The following MIOS variants were observed in gnomAD, a reference collection of about 807,000 sequenced individuals.
The protein encoded by MIOS is meiosis regulator for oocyte development.
In MIOS, 52 loss-of-function variants were observed where a neutral mutation model predicts 96.9. The observed-to-expected ratio is 0.54, with a 90% confidence interval of 0.43 to 0.68. MIOS has a LOEUF of 0.68. Among genes scored for constraint, MIOS ranks in the 30% least tolerant of loss-of-function variants. MIOS has a pLI of 0.00. For missense variants in MIOS, 1,005 were observed against 1,052.8 expected, an observed-to-expected ratio of 0.95 and a Z score of 0.63; for synonymous variants, 397 against 359.5, an observed-to-expected ratio of 1.10 and a Z score of -1.18.
At chr7:7,588,732 T>A (rs1280339871) in intron 8 of MIOS, among the ~76,000 whole-genome samples, 169 bp downstream of exon 8, 2 of 152,174 alleles carry the variant, frequency 1.3e-5, no homozygotes, top group Non-Finnish European at 2.9e-5. Context: ...CTACCATAAC[T>A]AAATTTATTT....
chr7:7,588,628 C>G, intron 8 of MIOS, 65 bp downstream of exon 8: 2 of 1,044,836 alleles, frequency 1.9e-6, no homozygotes, highest in Non-Finnish European at 2.7e-6. Context: ...ATGTAAGAAA[C>G]TAGTCTTTAT....
At chr7:7,591,699 C>A (rs912438484) in intron 9 of MIOS, among the ~76,000 whole-genome samples, 1 of 151,640 alleles carries the variant, frequency 6.6e-6, no homozygotes, top group African/African-American at 2.4e-5. Flanking sequence ...TTTCCTTTAC[C>A]TTTGATTTTT....
chr7:7,584,432 G>C (rs1189321411), intron 6 of MIOS, among the ~76,000 whole-genome samples: 2 of 152,124 alleles, frequency 1.3e-5, no homozygotes, highest in African/African-American at 2.4e-5. Flanking sequence ...TAGGGAAAAT[G>C]TATCTTTCCA....
intron 9 of MIOS, among the ~76,000 whole-genome samples, chr7:7,591,166 AT>A (rs1449995392): frequency 6.6e-6 from 1 of 151,376 alleles, no homozygotes; most frequent in Non-Finnish European, 1.5e-5. Flanking sequence ...GAAAATGTCT[AT>A]TTCACTCTTA....
chr7:7,581,791 C>A (rs1783734750), intron 5 of MIOS: 1 of 152,214 alleles, frequency 6.6e-6, no homozygotes, highest in South Asian at 2.1e-4. Context: ...AGATCTGTCT[C>A]CTGCTGCTTC....
At chr7:7,606,386 C>T (rs1407044945) in intron 12 of MIOS, among the ~76,000 whole-genome samples, 1 of 152,046 alleles carries the variant, frequency 6.6e-6, no homozygotes, top group African/African-American at 2.4e-5. Context: ...TGTAATTTAC[C>T]ATGCAATTGA....
chr7:7,601,293 T>C lies in MIOS; in HGVS notation c.2402-4649T>C, dbSNP rs990175848. Among the ~76,000 whole-genome samples, 16 of 150,780 alleles carry C rather than the reference T, an allele frequency of 1.1e-4. No homozygotes were observed. In the East Asian group the frequency reaches 2.7e-3, roughly 26 times the overall value. On this transcript the variant is annotated intron_variant, in intron 11 of 12. Coordinates refer to ENST00000340080, the MANE Select transcript of MIOS (RefSeq NM_019005.4). ...TGAATCCAGGAGCTGGTTTTTTTTT[T>C]GAAAAGATCAACAAAATTGATAGAC...
At chr7:7,575,983 T>G (rs897063903) in intron 5 of MIOS, among the ~76,000 whole-genome samples, 2 of 152,130 alleles carry the variant, frequency 1.3e-5, no homozygotes, top group Non-Finnish European at 2.9e-5. Flanking sequence ...AGTCTTCTGT[T>G]TTATTTGGCC....
intron 5 of MIOS, among the ~76,000 whole-genome samples, chr7:7,577,297 A>G (rs1184282708): frequency 6.6e-6 from 1 of 152,172 alleles, no homozygotes; most frequent in Non-Finnish European, 1.5e-5. Flanking sequence ...ACTAAAAAGG[A>G]CTCACTGAAT....
intron 11 of MIOS, among the ~76,000 whole-genome samples, chr7:7,601,627 G>A (rs1002612936): frequency 9.2e-5 from 14 of 152,130 alleles, no homozygotes; most frequent in Non-Finnish European, 1.9e-4. Flanking sequence ...ATTCACAGCC[G>A]AACTCTACCA....
At chr7:7,585,538 TA>T in intron 6 of MIOS, 97 bp from the exon 7 acceptor site, 1 of 1,147,506 alleles carries the variant, frequency 8.7e-7, no homozygotes, top group Non-Finnish European at 1.2e-6. Flanking sequence ...TTTCTGAGGG[TA>T]AAAGTCACCC....
At chr7:7,606,151 C>T (rs1350407670) in intron 12 of MIOS, 80 bp downstream of exon 12, 2 of 1,527,458 alleles carry the variant, frequency 1.3e-6, no homozygotes, top group East Asian at 4.6e-5. Context: ...TTGGGTTTAT[C>T]TATTAGCATT....
intron 5 of MIOS, chr7:7,582,660 A>G: frequency 3.1e-6 from 3 of 973,470 alleles, no homozygotes; most frequent in Non-Finnish European, 2.4e-6. Context: ...GATCACTTCT[A>G]CTGGATTTCA....
At position 7,607,011 on chromosome 7, in the gene MIOS, C is replaced by G; in HGVS notation, c.2547C>G (p.Cys849Trp). 1 of 1,611,508 alleles carries G rather than the reference C, an allele frequency of 6.2e-7. No individual in the cohort carries two copies. ...MLSWFRDHAECPVSACTCKCM... is the reference protein window; with the variant it reads ...MLSWFRDHAEWPVSACTCKCM... The stretch of plus-strand genomic sequence containing the variant: ...ATTTTTTTAGGGACCATGCAGAGTG[C>G]CCTGTGTCGGCATGCACGTGTAAAT... The change falls in exon 13 of 13, where the codon TGC becomes TGG. Residue 849 changes from cysteine (C) to tryptophan (W), a missense_variant. By Grantham distance (215) the Cys-to-Trp change is radical (BLOSUM62 -2). This residue lies in a region of MIOS where 865 missense variants were observed against 887.9 expected (regional missense o/e 0.97). Transcript: ENST00000340080.
At chr7:7,577,142 G>C (rs1392522181) in intron 5 of MIOS, among the ~76,000 whole-genome samples, 1 of 152,124 alleles carries the variant, frequency 6.6e-6, no homozygotes, top group African/African-American at 2.4e-5. Flanking sequence ...TGGCTTAAAG[G>C]AGACTGAGGC....
Position 7,573,058 on chromosome 7 carries a change from C to T in MIOS, c.583C>T (p.Arg195Ter). The T allele has an allele frequency of 1.9e-6, 3 of 1,614,018 alleles. No homozygotes were observed. Among genetic ancestry groups the T allele is most frequent in the South Asian group, 1.1e-5 (1 of 91,072 alleles). Reference protein sequence around the residue: ...DACLSLCWLPRDQKLLLAGMH... With the variant: ...DACLSLCWLP ...TTGTCTGTCTCTTTGTTGGCTTCCACGAGACCAGAAACTTCTCCTTGCTGG... is the reference window on the plus strand; with the variant it reads ...TTGTCTGTCTCTTTGTTGGCTTCCATGAGACCAGAAACTTCTCCTTGCTGG... Residue 195 changes from arginine to a stop codon, truncating the protein, a stop_gained, in exon 4 of 13, where the codon CGA (arginine) becomes TGA (stop). Transcript: ENST00000340080. LOFTEE classifies it high-confidence loss of function. This position sits in a 1 kb window ranked among gnomAD's most constrained non-coding sequence, Gnocchi z 5.0.
At chr7:7,600,326 G>A (rs6463706) in intron 11 of MIOS, among the ~76,000 whole-genome samples, 145,444 of 152,106 alleles carry the variant, frequency 0.96, 69,629 homozygotes, top group East Asian at 1. Context: ...CAGGAAACCC[G>A]TCTCACGTGC....
At chr7:7,579,907 A>T (rs1783657436) in intron 5 of MIOS, among the ~76,000 whole-genome samples, 1 of 152,186 alleles carries the variant, frequency 6.6e-6, no homozygotes, top group African/African-American at 2.4e-5. Context: ...CCCTACTGTT[A>T]ATCAACTCAT....
intron 11 of MIOS, among the ~76,000 whole-genome samples, chr7:7,600,426 C>G (rs1159672853): frequency 2.0e-5 from 3 of 152,142 alleles, no homozygotes; most frequent in African/African-American, 7.2e-5. Flanking sequence ...CAATCCTGAT[C>G]TCAGATAAAA....
Sources: allele counts gnomAD v4.1 joint callset (sites outside exome capture counted in the v4.1 genomes callset), GRCh38; gene constraint gnomAD v4.1.1; regional missense constraint gnomAD v4.1.1; non-coding constraint Gnocchi (gnomAD v3.1); transcripts MANE v1.5; gene names NCBI Gene and HGNC (gene_info 2026-07-23, HGNC 2026-07-21).